PVT1: variants seen among roughly 807,000 people sequenced by gnomAD.
PVT1 encodes Pvt1 oncogene, also known as CXCR4/PVT1 fusion.
At chr8:128,048,953 C>T (rs1813652719) in intron 4 of PVT1, among the ~76,000 whole-genome samples, 1 of 152,206 alleles carries the variant, frequency 6.6e-6, no homozygotes, top group African/African-American at 2.4e-5. Flanking sequence ...TTCGGCTGCC[C>T]AGGGTTTTCA....
Position 127,860,214 on chromosome 8 carries a change from A to G in PVT1, n.373-30375A>G, listed in dbSNP as rs1432702959. 2.0e-5 allele frequency among the ~76,000 whole-genome samples: 3 copies of G among 152,290 alleles called. No homozygotes were observed. The South Asian group carries it at 6.2e-4, about 32-fold the overall frequency. ...GTCCTGGTGGCGGAGGTGCTGGCGC[A>G]GGAGGCCGGCTCCTGGCAGAATCGG... is the stretch of plus-strand genomic sequence containing the variant. On this transcript the variant is annotated intron_variant and non_coding_transcript_variant, in intron 2 of 10. Transcript: ENST00000651587.
intron 3 of PVT1, among the ~76,000 whole-genome samples, chr8:127,956,832 G>A (rs1816575750): frequency 6.6e-6 from 1 of 152,152 alleles, no homozygotes; most frequent in Non-Finnish European, 1.5e-5. Flanking sequence ...CTTGAAAACA[G>A]GGTCTGCTTC....
At chr8:128,060,490 G>A (rs1016038125) in intron 4 of PVT1, among the ~76,000 whole-genome samples, 10 of 152,236 alleles carry the variant, frequency 6.6e-5, no homozygotes, top group Non-Finnish European at 8.8e-5. Flanking sequence ...GGAATAAACA[G>A]ATGAATCTGA....
chr8:127,972,046 A>G (rs1256983721), intron 3 of PVT1, among the ~76,000 whole-genome samples: 1 of 152,210 alleles, frequency 6.6e-6, no homozygotes, highest in Non-Finnish European at 1.5e-5. Flanking sequence ...GGGAAAGGCA[A>G]GGCATCTGGC....
chr8:127,936,460 G>A (rs190918495), intron 3 of PVT1, among the ~76,000 whole-genome samples: 138 of 152,264 alleles, frequency 9.1e-4, no homozygotes, highest in African/African-American at 3.2e-3. Context: ...TGCTTTGATG[G>A]CCTTTCTCAG....
At position 128,046,426 on chromosome 8, in the gene PVT1, G is replaced by C. The variant is rs1457609694; in HGVS notation, n.913-23734G>C. Among the ~76,000 whole-genome samples the C allele has an allele frequency of 2.6e-5, 4 of 152,212 alleles. No homozygotes were observed. In the East Asian group the frequency reaches 7.7e-4, roughly 29 times the overall value. ...CTGGGATCTGAAGTCCGGGAGCCTG[G>C]CTCCGTAGGCCTCTGTTTAAGCCAC... On this transcript the variant is annotated intron_variant and non_coding_transcript_variant, in intron 4 of 10. Transcript: ENST00000651587.
intron 3 of PVT1, among the ~76,000 whole-genome samples, chr8:127,909,592 C>T (rs1303979353): frequency 6.6e-6 from 1 of 152,172 alleles, no homozygotes; most frequent in South Asian, 2.1e-4. Context: ...GGGGGTGACT[C>T]ATGGGCAACT....
intron 2 of PVT1, among the ~76,000 whole-genome samples, chr8:127,826,396 G>A (rs947548114): frequency 1.4e-4 from 22 of 152,124 alleles, no homozygotes; most frequent in African/African-American, 5.3e-4. Context: ...CAGACCTGAT[G>A]ATTCCCCAGC....
At chr8:127,952,359 A>T (rs530198324) in intron 3 of PVT1, among the ~76,000 whole-genome samples, 52 of 152,324 alleles carry the variant, frequency 3.4e-4, no homozygotes, top group African/African-American at 1.3e-3. Flanking sequence ...TAATAAAAAA[A>T]TCCCAGTGAG....
chr8:128,092,431 C>T (rs769475488), intron 5 of PVT1, among the ~76,000 whole-genome samples: 12 of 152,148 alleles, frequency 7.9e-5, no homozygotes, highest in Non-Finnish European at 1.6e-4. Context: ...AAAGTAATTG[C>T]AGTTTTTGCC....
At chr8:128,072,486 G>A (rs889444435) in intron 5 of PVT1, among the ~76,000 whole-genome samples, 1 of 152,114 alleles carries the variant, frequency 6.6e-6, no homozygotes, top group African/African-American at 2.4e-5. Context: ...CCATCTCCAG[G>A]TTCCTTATTC....
intron 4 of PVT1, among the ~76,000 whole-genome samples, chr8:127,995,133 T>C (rs548260918): frequency 2.0e-5 from 3 of 152,340 alleles, no homozygotes; most frequent in African/African-American, 7.2e-5. Context: ...TTTGATTGAC[T>C]TGGCCCAAAG....
chr8:128,000,226 A>C (rs10086993), intron 4 of PVT1, among the ~76,000 whole-genome samples: 20,867 of 152,172 alleles, frequency 0.14, 1,666 homozygotes, highest in Non-Finnish European at 0.18. Context: ...AGGCACACAG[A>C]ATGAGGATGA....
In PVT1 at chr8:127,826,786, T is replaced by A. The variant is rs79191877; in HGVS notation, n.372+30715T>A. ...AGTCCTGTTGGAAAATTTTACCATG[T>A]GTATCTTTTAGTTCTTCAATTAATA... On this transcript the variant is annotated intron_variant and non_coding_transcript_variant, in intron 2 of 10. Transcript: ENST00000651587. Among the ~76,000 whole-genome samples the A allele has an allele frequency of 8.6e-3, 1,316 of 152,286 alleles. 13 individuals are homozygous for A. Among genetic ancestry groups the A allele is most frequent in the Non-Finnish European group, 0.011 (757 of 68,036 alleles).
intron 2 of PVT1, among the ~76,000 whole-genome samples, chr8:127,802,011 G>A (rs530566824): frequency 1.5e-3 from 222 of 152,038 alleles, no homozygotes; most frequent in Non-Finnish European, 2.6e-3. Flanking sequence ...CGCCTCCCGG[G>A]TTCAAGCGAT....
At chr8:128,015,899 T>C (rs1817367795) in intron 4 of PVT1, among the ~76,000 whole-genome samples, 1 of 152,062 alleles carries the variant, frequency 6.6e-6, no homozygotes, top group Non-Finnish European at 1.5e-5. Context: ...ACCTTGAAGT[T>C]ACTCCAACTG....
intron 2 of PVT1, chr8:127,803,129 T>TTTC (rs1814485005): frequency 1.5e-5 from 2 of 133,500 alleles, no homozygotes; most frequent in Admixed American, 7.4e-5. Context: ...TTCTTTCTTT[T>TTTC]TTTTTTTTTT....
At chr8:127,805,012 C>T (rs1814510468) in intron 2 of PVT1, among the ~76,000 whole-genome samples, 1 of 149,450 alleles carries the variant, frequency 6.7e-6, no homozygotes, top group African/African-American at 2.5e-5. Flanking sequence ...CTCACTGCAA[C>T]CTCTGCCTCC....
intron 4 of PVT1, among the ~76,000 whole-genome samples, chr8:127,995,486 C>A (rs1817094298): frequency 6.6e-6 from 1 of 152,164 alleles, no homozygotes; most frequent in South Asian, 2.1e-4. Flanking sequence ...CTATCCATTT[C>A]TTTGTTCATT....
Sources: gnomAD v4.1 joint callset for allele counts (sites outside exome capture counted in the v4.1 genomes callset) on GRCh38, gnomAD v4.1.1 for gene constraint, MANE v1.5 for transcripts, NCBI Gene and HGNC (gene_info 2026-07-23, HGNC 2026-07-21) for gene names.